FKBP9: variants seen among roughly 807,000 people sequenced by gnomAD.
FKBP9 encodes peptidyl-prolyl cis-trans isomerase FKBP9.
A neutral mutation model predicts 55.6 loss-of-function variants in FKBP9; 27 were observed. The observed-to-expected ratio is 0.49, with a 90% CI of 0.36 to 0.67. The LOEUF (loss-of-function observed/expected upper bound fraction) is 0.67. Among genes scored for constraint, FKBP9 ranks in the 30% least tolerant of loss-of-function variants. The pLI is 0.00. For synonymous variants in FKBP9, 267 were observed against 296.5 expected, an observed-to-expected ratio of 0.90 and a Z score of 1.02; for missense variants, 539 against 742.8, an observed-to-expected ratio of 0.73 and a Z score of 3.19.
intron 5 of FKBP9, among the ~76,000 whole-genome samples, chr7:32,984,600 A>G (rs1346774895): frequency 6.6e-6 from 1 of 152,222 alleles, no homozygotes; most frequent in Non-Finnish European, 1.5e-5. Context: ...CAATGCAAAA[A>G]TGTATAGCAG....
intron 1 of FKBP9, among the ~76,000 whole-genome samples, chr7:32,972,356 G>A (rs768527176): frequency 1.3e-5 from 2 of 152,158 alleles, no homozygotes; most frequent in Non-Finnish European, 2.9e-5. Context: ...TGTAAAACTA[G>A]GAGGAGAGGG....
rs1259296233 is a variant in FKBP9, at chr7:32,974,597, C to T, written c.222-20C>T. The T allele has an allele frequency of 1.6e-5, 25 of 1,607,444 alleles. No homozygotes were observed. Among genetic ancestry groups the T allele is most frequent in the Admixed American group, 5.1e-5 (3 of 58,688 alleles). On this transcript the variant is annotated intron_variant, in intron 1 of 9. Coordinates refer to ENST00000242209, the MANE Select transcript of FKBP9 (RefSeq NM_007270.5). ...CTATTTATACTTTTCTTTCTCTTTCCCTACCCTTTGGGCCTTCAGCTATGA... is the reference window on the plus strand; with the variant it reads ...CTATTTATACTTTTCTTTCTCTTTCTCTACCCTTTGGGCCTTCAGCTATGA...
intron 5 of FKBP9, among the ~76,000 whole-genome samples, chr7:32,984,213 G>A (rs1387214553): frequency 2.0e-5 from 3 of 151,290 alleles, no homozygotes; most frequent in African/African-American, 7.3e-5. Flanking sequence ...TTCTTTATTA[G>A]AATTTTTATT....
At chr7:33,001,608 T>C (rs1263542188) in intron 8 of FKBP9, among the ~76,000 whole-genome samples, 2 of 151,742 alleles carry the variant, frequency 1.3e-5, no homozygotes, top group African/African-American at 4.8e-5. Flanking sequence ...ATACATAGCA[T>C]ATTATATATA....
chr7:32,963,679 G>A (rs1784073404), intron 1 of FKBP9: 1 of 1,439,134 alleles, frequency 6.9e-7, no homozygotes, highest in Non-Finnish European at 9.1e-7. Flanking sequence ...AATTCCTTGT[G>A]AGGGTCCAGA....
intron 1 of FKBP9, 80 bp from the exon 2 acceptor site, chr7:32,974,537 A>C: frequency 7.9e-7 from 1 of 1,260,470 alleles, no homozygotes; most frequent in Non-Finnish European, 1.1e-6. Flanking sequence ...ATCTGTGGGC[A>C]CATTTTTACA....
At chr7:32,971,584 G>A (rs1784255208) in intron 1 of FKBP9, among the ~76,000 whole-genome samples, 1 of 151,968 alleles carries the variant, frequency 6.6e-6, no homozygotes, top group South Asian at 2.1e-4. Context: ...AGGTTCAAGC[G>A]ATTCTCCCAC....
At chr7:32,964,260 C>A (rs181644597) in intron 1 of FKBP9, among the ~76,000 whole-genome samples, 1 of 152,276 alleles carries the variant, frequency 6.6e-6, no homozygotes, top group East Asian at 1.9e-4. Flanking sequence ...GACTTATTAG[C>A]GTGGCTTTGA....
intron 1 of FKBP9, among the ~76,000 whole-genome samples, chr7:32,973,231 T>A: frequency 6.6e-6 from 1 of 152,188 alleles, no homozygotes; most frequent in Non-Finnish European, 1.5e-5. Context: ...CAAACCCCTG[T>A]TGATTGCTAA....
rs1784628946 is a variant in FKBP9 at position 32,988,898 on chromosome 7, A to G, written c.1039+246A>G. The stretch of plus-strand genomic sequence containing the variant: ...CACGCACCACCACACCCTGCACAGA[A>G]CTTCTTGAGAGCCAAAATATTGAAG... On this transcript the variant is annotated intron_variant, in intron 6 of 9. Coordinates refer to ENST00000242209, the MANE Select transcript of FKBP9 (RefSeq NM_007270.5). The G allele has an allele frequency of 7.4e-5, 24 of 322,274 alleles. No individual in the cohort carries two copies. The South Asian group carries it at 2.1e-3, about 28-fold the overall frequency. The allele number at this position is 322,274 out of a possible 1,614,324, so 20.0% of individuals were successfully genotyped here.
In FKBP9 at chr7:33,005,163, CT is replaced by C. The variant is rs1785009575; in HGVS notation, c.1537-10del. The C allele has an allele frequency of 6.2e-7, 1 of 1,612,184 alleles. No individual in the cohort carries two copies. Among genetic ancestry groups the C allele is most frequent in the African/African-American group, 1.3e-5 (1 of 74,990 alleles). On this transcript the variant is annotated splice_polypyrimidine_tract_variant and intron_variant, in intron 9 of 9. Coordinates refer to ENST00000242209, the MANE Select transcript of FKBP9 (RefSeq NM_007270.5). ...CTGAACTCATGGTCTTTCCTGTCCCCTTCTTTTCCAGTTCTCAGAGTACATT... is the reference window on the plus strand; with the variant it reads ...CTGAACTCATGGTCTTTCCTGTCCCCTCTTTTCCAGTTCTCAGAGTACATT...
At chr7:32,958,101 C>T (rs899950091) in intron 1 of FKBP9, among the ~76,000 whole-genome samples, 1 of 152,214 alleles carries the variant, frequency 6.6e-6, no homozygotes, top group African/African-American at 2.4e-5. Context: ...GTAAAATAAT[C>T]AGTGTAAGTG....
intron 5 of FKBP9, among the ~76,000 whole-genome samples, chr7:32,982,066 G>A (rs1012563793): frequency 1.1e-4 from 16 of 149,720 alleles, no homozygotes; most frequent in African/African-American, 3.9e-4. Context: ...TGTCACCCAG[G>A]CTGCAGTGCA....
intron 7 of FKBP9, chr7:32,998,394 C>T (rs1252305451): frequency 6.6e-6 from 1 of 152,178 alleles, no homozygotes; most frequent in Admixed American, 6.6e-5. Flanking sequence ...CCAGGATCTG[C>T]TTCTCACGTG....
At chr7:32,994,011 C>T (rs910275346) in intron 6 of FKBP9, among the ~76,000 whole-genome samples, 4 of 152,172 alleles carry the variant, frequency 2.6e-5, no homozygotes, top group Non-Finnish European at 5.9e-5. Flanking sequence ...AATATCTGTT[C>T]GCATCTCCAG....
Position 32,988,530 on chromosome 7 carries a change from A to G in FKBP9, c.917A>G (p.Asp306Gly), listed in dbSNP as rs1784618447. 6.2e-7 allele frequency: 1 copy of G among 1,613,652 alleles called. No homozygotes were observed. The highest frequency in any genetic ancestry group is 1.3e-5 in the African/African-American group (1 of 74,860). The change falls in exon 6 of 10, where the codon GAC (aspartate) becomes GGC (glycine). Residue 306 changes from aspartate (D) to glycine (G), a missense_variant. Coordinates refer to ENST00000242209, the MANE Select transcript of FKBP9 (RefSeq NM_007270.5). ...DSSYSRNRTF[D>G]TYIGQGYVIP... Reference sequence around the variant, plus strand: ...AGCTACTCTCGGAACCGCACGTTTGACACGTACATTGGGCAGGGCTACGTG... The same window carrying G: ...AGCTACTCTCGGAACCGCACGTTTGGCACGTACATTGGGCAGGGCTACGTG...
chr7:32,996,606 T>TTTCTTTCC (rs1784792663), intron 7 of FKBP9, among the ~76,000 whole-genome samples: 1 of 110,358 alleles, frequency 9.1e-6, no homozygotes, highest in Non-Finnish European at 1.8e-5. Flanking sequence ...AACTGCTATC[T>TTTCTTTCC]TTCCTTCCTT....
chr7:32,995,707 T>G (rs1384451630), intron 6 of FKBP9, among the ~76,000 whole-genome samples: 2 of 152,178 alleles, frequency 1.3e-5, no homozygotes, highest in African/African-American at 4.8e-5. Context: ...GAAGTTTATG[T>G]TATGTTTTTC....
intron 5 of FKBP9, among the ~76,000 whole-genome samples, chr7:32,982,510 C>A (rs533609739): frequency 1.3e-5 from 2 of 152,020 alleles, no homozygotes; most frequent in African/African-American, 4.8e-5. Flanking sequence ...ATCTACATGG[C>A]GTCCCATTGG....
Sources: gnomAD v4.1 joint callset for allele counts (sites outside exome capture counted in the v4.1 genomes callset) on GRCh38, gnomAD v4.1.1 for gene constraint, MANE v1.5 for transcripts, NCBI Gene and HGNC (gene_info 2026-07-23, HGNC 2026-07-21) for gene names.